The following PBX3 variants were observed in gnomAD, a reference collection of about 807,000 sequenced individuals.
The protein encoded by PBX3 is pre-B-cell leukemia transcription factor 3.
In PBX3, 14 loss-of-function variants were observed where a neutral mutation model predicts 48.5. That is an observed-to-expected ratio of 0.29 (90% CI 0.19 to 0.45). The LOEUF (loss-of-function observed/expected upper bound fraction) is 0.45. Ranked by LOEUF, PBX3 falls within the 20% of genes least tolerant of loss-of-function variation. The pLI, the probability that PBX3 is intolerant of heterozygous loss-of-function variation, is 1.00. For missense variants in PBX3, 386 were observed against 546.7 expected, an observed-to-expected ratio of 0.71 and a Z score of 2.93; for synonymous variants, 210 against 200.3, an observed-to-expected ratio of 1.05 and a Z score of -0.41.
chr9:125,851,379 C>G (rs1015478400), intron 2 of PBX3, among the ~76,000 whole-genome samples: 2 of 151,914 alleles, frequency 1.3e-5, no homozygotes, highest in Admixed American at 6.6e-5. Context: ...TAAGAAAGAT[C>G]GACAGCCTAG....
At chr9:125,962,369 G>A (rs1239914831) in intron 7 of PBX3, among the ~76,000 whole-genome samples, 155 bp downstream of exon 7, 1 of 152,216 alleles carries the variant, frequency 6.6e-6, no homozygotes, top group East Asian at 1.9e-4. Context: ...TTAATTTAAT[G>A]AGAAGTCAAG....
At chr9:125,944,448 G>A (rs1257731069) in intron 5 of PBX3, among the ~76,000 whole-genome samples, 1 of 152,304 alleles carries the variant, frequency 6.6e-6, no homozygotes, top group East Asian at 1.9e-4. Flanking sequence ...AGGTCAGTAA[G>A]ATAGGGTTCT....
chr9:125,880,201 C>A (rs768885713), intron 2 of PBX3, among the ~76,000 whole-genome samples: 3 of 152,146 alleles, frequency 2.0e-5, no homozygotes, highest in Non-Finnish European at 4.4e-5. Context: ...TGCACCACCA[C>A]GCCCAACTAA....
intron 2 of PBX3, among the ~76,000 whole-genome samples, chr9:125,883,819 G>T (rs1303065500): frequency 2.0e-5 from 3 of 152,126 alleles, no homozygotes. Flanking sequence ...AAAACCATGT[G>T]GCTTCCACAG....
intron 2 of PBX3, among the ~76,000 whole-genome samples, chr9:125,820,753 ACTTTATT>A (rs1285309850): frequency 1.3e-5 from 2 of 152,202 alleles, no homozygotes; most frequent in African/African-American, 4.8e-5. Context: ...TGCAAGTCTG[ACTTTATT>A]TTGCCTCTAT....
At chr9:125,753,542 A>G (rs1836430952) in intron 2 of PBX3, among the ~76,000 whole-genome samples, 2 of 151,856 alleles carry the variant, frequency 1.3e-5, no homozygotes, top group African/African-American at 4.8e-5. Flanking sequence ...CCTGTTCTTT[A>G]TTTTTTTCTT....
chr9:125,858,817 G>T (rs1446306001), intron 2 of PBX3, among the ~76,000 whole-genome samples: 1 of 151,904 alleles, frequency 6.6e-6, no homozygotes, highest in Non-Finnish European at 1.5e-5. Context: ...GTAGAGACAG[G>T]GTTTCACCAC....
intron 2 of PBX3, among the ~76,000 whole-genome samples, chr9:125,901,251 T>C (rs1840939011): frequency 6.6e-6 from 1 of 151,732 alleles, no homozygotes; most frequent in African/African-American, 2.4e-5. Context: ...ATAAATTTCA[T>C]GTTTTAAAAT....
At chr9:125,867,781 C>T (rs1317985344) in intron 2 of PBX3, among the ~76,000 whole-genome samples, 1 of 151,724 alleles carries the variant, frequency 6.6e-6, no homozygotes, top group Non-Finnish European at 1.5e-5. Context: ...CATATATACA[C>T]ACATATACAC....
At chr9:125,851,981 C>A (rs1287458083) in intron 2 of PBX3, among the ~76,000 whole-genome samples, 2 of 150,566 alleles carry the variant, frequency 1.3e-5, no homozygotes, top group African/African-American at 4.9e-5. Flanking sequence ...GAAAAAGGCA[C>A]CATTAGTTTA....
chr9:125,780,037 G>C (rs1226462473), intron 2 of PBX3, among the ~76,000 whole-genome samples: 15 of 137,334 alleles, frequency 1.1e-4, no homozygotes, highest in Middle Eastern at 4.9e-3. Flanking sequence ...CTCACCTCCC[G>C]GACGGGGCGG....
chr9:125,929,163 C>A (rs940901386), intron 3 of PBX3, among the ~76,000 whole-genome samples: 2 of 152,134 alleles, frequency 1.3e-5, no homozygotes, highest in African/African-American at 4.8e-5. Context: ...TTAGTCTTTG[C>A]ACTGAATTAG....
At chr9:125,872,306 G>A (rs1840143695) in intron 2 of PBX3, among the ~76,000 whole-genome samples, 1 of 152,096 alleles carries the variant, frequency 6.6e-6, no homozygotes, top group Admixed American at 6.6e-5. Context: ...GATTGTCAGA[G>A]GGTACTAAAC....
chr9:125,754,367 C>A (rs1010552915), intron 2 of PBX3, among the ~76,000 whole-genome samples: 4 of 152,028 alleles, frequency 2.6e-5, no homozygotes, highest in Non-Finnish European at 4.4e-5. Flanking sequence ...TTCAGTAGGC[C>A]ATTTGAGTCT....
At chr9:125,882,959 A>G (rs1409828386) in intron 2 of PBX3, among the ~76,000 whole-genome samples, 1 of 152,256 alleles carries the variant, frequency 6.6e-6, no homozygotes, top group Non-Finnish European at 1.5e-5. Flanking sequence ...CAGAAGGTCC[A>G]TTTACATAAA....
intron 2 of PBX3, among the ~76,000 whole-genome samples, chr9:125,815,739 A>G (rs558067853): frequency 6.6e-5 from 10 of 151,270 alleles, no homozygotes; most frequent in South Asian, 2.1e-4. Flanking sequence ...GGAGGGACCA[A>G]ATTTCTCAGG....
rs1353628142 is a variant in PBX3 at position 125,793,168 on chromosome 9, C to T, written c.274+44545C>T. Among the ~76,000 whole-genome samples, 48 of 150,616 alleles carry T rather than the reference C, an allele frequency of 3.2e-4. 1 individual carries two copies. Among genetic ancestry groups the T allele is most frequent in the African/African-American group, 8.0e-4 (33 of 41,120 alleles). On this transcript the variant is annotated intron_variant, in intron 2 of 8. Coordinates refer to ENST00000373489, the MANE Select transcript of PBX3 (RefSeq NM_006195.6). ...GAGATCGAGACCATCCTGGCTAACACGGTGGAACCCTGTCTCTACTAAAAA... is the reference window on the plus strand; with the variant it reads ...GAGATCGAGACCATCCTGGCTAACATGGTGGAACCCTGTCTCTACTAAAAA...
intron 2 of PBX3, among the ~76,000 whole-genome samples, chr9:125,840,652 T>C (rs1340091005): frequency 6.6e-6 from 1 of 152,068 alleles, no homozygotes; most frequent in Non-Finnish European, 1.5e-5. Flanking sequence ...TATATCTTTC[T>C]ATATCAAGAA....
chr9:125,808,718 G>A (rs1173041267), intron 2 of PBX3, among the ~76,000 whole-genome samples: 1 of 152,080 alleles, frequency 6.6e-6, no homozygotes. Flanking sequence ...TGTTTACAAT[G>A]GGGTATTGTT....
Sources: allele counts gnomAD v4.1 joint callset (sites outside exome capture counted in the v4.1 genomes callset), GRCh38; gene constraint gnomAD v4.1.1; transcripts MANE v1.5; gene names NCBI Gene and HGNC (gene_info 2026-07-23, HGNC 2026-07-21).